Variants in LRRC7 observed in about 807,000 individuals in gnomAD.
The protein encoded by LRRC7 is leucine-rich repeat-containing protein 7.
Under a neutral mutation model 175.7 loss-of-function variants are expected in LRRC7, and 23 were observed. That is an observed-to-expected ratio of 0.13 (90% CI 0.09 to 0.19). The LOEUF (loss-of-function observed/expected upper bound fraction) is 0.19. LRRC7 is among the 10% of genes least tolerant of loss of function. LRRC7 has a pLI of 1.00. For missense variants in LRRC7, 1,354 were observed against 1,904.7 expected, an observed-to-expected ratio of 0.71 and a Z score of 5.38; for synonymous variants, 685 against 680.9, an observed-to-expected ratio of 1.01 and a Z score of -0.09.
chr1:70,033,214 CACTT>C (rs1302574987), intron 18 of LRRC7, among the ~76,000 whole-genome samples: 1 of 152,100 alleles, frequency 6.6e-6, no homozygotes, highest in African/African-American at 2.4e-5. Context: ...TTGGCTTTAC[CACTT>C]ATTAGGTTTG....
At chr1:69,628,080 G>A (rs1230638433) in intron 1 of LRRC7, among the ~76,000 whole-genome samples, 2 of 151,986 alleles carry the variant, frequency 1.3e-5, no homozygotes, top group Non-Finnish European at 2.9e-5. Context: ...CCAGAACGAG[G>A]CAAAAATATC....
At chr1:70,083,804 C>T (rs1473505052) in intron 24 of LRRC7, among the ~76,000 whole-genome samples, 1 of 152,112 alleles carries the variant, frequency 6.6e-6, no homozygotes, top group Non-Finnish European at 1.5e-5. Context: ...AGTCTACACT[C>T]AATCCACAGC....
At chr1:70,107,665 C>T (rs1463158281) in intron 25 of LRRC7, 87 bp from the exon 26 acceptor site, 10 of 948,348 alleles carry the variant, frequency 1.1e-5, no homozygotes, top group Non-Finnish European at 1.7e-5. Flanking sequence ...GATCTGTTTT[C>T]ACTGTTTTCT....
intron 8 of LRRC7, among the ~76,000 whole-genome samples, chr1:69,945,305 C>T (rs1649190238): frequency 6.6e-6 from 1 of 151,936 alleles, no homozygotes; most frequent in African/African-American, 2.4e-5. Flanking sequence ...AAGATCAGTT[C>T]ATTAGTATAA....
intron 8 of LRRC7, among the ~76,000 whole-genome samples, chr1:69,961,763 G>A (rs567763338): frequency 6.6e-6 from 1 of 152,288 alleles, no homozygotes; most frequent in South Asian, 2.1e-4. Flanking sequence ...AAATGGTGCT[G>A]GGATAACTGG....
intron 26 of LRRC7, among the ~76,000 whole-genome samples, chr1:70,121,002 A>C (rs1666176803): frequency 6.6e-6 from 1 of 152,084 alleles, no homozygotes; most frequent in Non-Finnish European, 1.5e-5. Flanking sequence ...CATAGCACTC[A>C]ATACAGAGAA....
At chr1:70,121,383 T>C (rs1030609236) in intron 26 of LRRC7, among the ~76,000 whole-genome samples, 1 of 152,078 alleles carries the variant, frequency 6.6e-6, no homozygotes, top group Non-Finnish European at 1.5e-5. Flanking sequence ...TATTTGGTCA[T>C]GCTGATTAGT....
At chr1:69,951,727 G>T (rs967490124) in intron 8 of LRRC7, among the ~76,000 whole-genome samples, 1 of 152,060 alleles carries the variant, frequency 6.6e-6, no homozygotes, top group Non-Finnish European at 1.5e-5. Context: ...TTAAAAGTGG[G>T]AGCTAAATAA....
In LRRC7 at chr1:70,089,007, G is replaced by A. The variant is rs61190358; in HGVS notation, c.4453-720G>A. On this transcript the variant is annotated intron_variant, in intron 24 of 26. Transcript: ENST00000651989. The stretch of plus-strand genomic sequence containing the variant: ...ATTAGAATGTTTGCCCTTGTGTTGC[G>A]TATTGGCCATTCTCTTTCCCTAGCA... Among the ~76,000 whole-genome samples the A allele has an allele frequency of 5.2e-3, 787 of 152,074 alleles. 9 individuals are homozygous for A. The highest frequency in any genetic ancestry group is 0.018 in the African/African-American group (733 of 41,478).
intron 15 of LRRC7, 63 bp from the exon 16 acceptor site, chr1:70,020,942 A>AT: frequency 2.7e-6 from 4 of 1,458,344 alleles, no homozygotes; most frequent in Middle Eastern, 3.6e-4. Flanking sequence ...TGCATACTAT[A>AT]TTAAATACTT....
rs368040683 is a variant in LRRC7, at chr1:69,961,998, TTAAAC to T, written c.712-18376_712-18372del. ...GCAAAAATTAACAAATGGGATCTAA[TTAAAC>T]TAAAGAGCTTCTGCACAGCAAAAGA... On this transcript the variant is annotated intron_variant, in intron 8 of 26. Transcript: ENST00000651989. 6.9e-3 allele frequency among the ~76,000 whole-genome samples: 1,053 copies of T among 152,144 alleles called. 11 individuals carry two copies. Among genetic ancestry groups the T allele is most frequent in the African/African-American group, 0.024 (1,003 of 41,506 alleles).
chr1:69,932,424 G>T (rs1647480626), intron 8 of LRRC7, among the ~76,000 whole-genome samples: 1 of 152,104 alleles, frequency 6.6e-6, no homozygotes, highest in Non-Finnish European at 1.5e-5. Context: ...CTTACACAGG[G>T]CTTGTGTGAG....
At chr1:69,667,599 T>C (rs1218291016) in intron 1 of LRRC7, among the ~76,000 whole-genome samples, 1 of 152,230 alleles carries the variant, frequency 6.6e-6, no homozygotes, top group East Asian at 1.9e-4. Context: ...GAAATATATT[T>C]TGTCTGATTT....
chr1:69,885,831 A>G (rs1199472908), intron 7 of LRRC7, among the ~76,000 whole-genome samples: 9 of 140,672 alleles, frequency 6.4e-5, no homozygotes, highest in African/African-American at 1.9e-4. Flanking sequence ...TGTTCTCGTT[A>G]GTTTCAAAGA....
chr1:69,865,469 C>CTGTTTT, intron 7 of LRRC7, among the ~76,000 whole-genome samples: 1 of 51,266 alleles, frequency 2.0e-5, no homozygotes. Flanking sequence ...AAGACAGTTC[C>CTGTTTT]TTTTTTTTTT....
At chr1:69,793,855 A>G (rs138409527) in intron 4 of LRRC7, among the ~76,000 whole-genome samples, 69 of 152,280 alleles carry the variant, frequency 4.5e-4, no homozygotes, top group African/African-American at 1.6e-3. Flanking sequence ...GTTCCAAAAC[A>G]TGGAAAACTT....
chr1:69,933,305 C>G (rs1414119416), intron 8 of LRRC7, among the ~76,000 whole-genome samples: 2 of 152,156 alleles, frequency 1.3e-5, no homozygotes, highest in Non-Finnish European at 2.9e-5. Context: ...GATATTAAGG[C>G]AAGAGTACCT....
intron 23 of LRRC7, among the ~76,000 whole-genome samples, chr1:70,053,891 A>C (rs2102065109): frequency 6.6e-6 from 1 of 152,298 alleles, no homozygotes; most frequent in South Asian, 2.1e-4. Context: ...CTAAAACAAA[A>C]CTGAACCTTT....
chr1:70,018,457 G>C (rs550159392), intron 14 of LRRC7, among the ~76,000 whole-genome samples: 35 of 152,110 alleles, frequency 2.3e-4, no homozygotes, highest in African/African-American at 8.4e-4. Flanking sequence ...AACTGTTCAG[G>C]ATTAAATCTG....
Sources: gnomAD v4.1 joint callset for allele counts (sites outside exome capture counted in the v4.1 genomes callset) on GRCh38, gnomAD v4.1.1 for gene constraint, MANE v1.5 for transcripts, NCBI Gene and HGNC (gene_info 2026-07-23, HGNC 2026-07-21) for gene names.